Variants in NTNG1 observed in about 807,000 individuals in gnomAD.
NTNG1 encodes netrin-G1.
NTNG1 carries 16 observed loss-of-function variants against 54.0 expected under a neutral mutation model. The observed-to-expected ratio is 0.30, with a 90% CI of 0.20 to 0.45. The LOEUF (loss-of-function observed/expected upper bound fraction) is 0.45, where lower values mean the gene tolerates loss of function less well. NTNG1 is among the 20% of genes least tolerant of loss of function. NTNG1 has a pLI of 1.00. For synonymous variants in NTNG1, 255 were observed against 263.1 expected (o/e 0.97, Z 0.30); for missense variants, 530 against 678.7 (o/e 0.78, Z 2.43).
chr1:107,282,589 C>T (rs897437855), intron 2 of NTNG1, among the ~76,000 whole-genome samples: 4 of 152,062 alleles, frequency 2.6e-5, no homozygotes, highest in Non-Finnish European at 5.9e-5. Context: ...CTCAAAATTC[C>T]TTGATTCTCT....
At chr1:107,336,972 A>G (rs1209494702) in intron 3 of NTNG1, among the ~76,000 whole-genome samples, 1 of 151,912 alleles carries the variant, frequency 6.6e-6, no homozygotes, top group Non-Finnish European at 1.5e-5. Flanking sequence ...ATAAAATAAC[A>G]TGGTTGGAAA....
intron 7 of NTNG1, among the ~76,000 whole-genome samples, chr1:107,479,494 A>G (rs1367974724): frequency 2.6e-5 from 4 of 152,210 alleles, no homozygotes; most frequent in Non-Finnish European, 5.9e-5. Context: ...TTAAAAATGG[A>G]AAATGTTACA....
chr1:107,441,922 C>T (rs1015189034), intron 7 of NTNG1, among the ~76,000 whole-genome samples: 2 of 152,032 alleles, frequency 1.3e-5, no homozygotes, highest in African/African-American at 2.4e-5. Flanking sequence ...GTGCATTGTG[C>T]ATTACAGGGT....
At chr1:107,351,580 G>A (rs1481524596) in intron 3 of NTNG1, among the ~76,000 whole-genome samples, 1 of 152,116 alleles carries the variant, frequency 6.6e-6, no homozygotes, top group Non-Finnish European at 1.5e-5. Flanking sequence ...TTCCCACCAG[G>A]CCCCACCTCC....
chr1:107,297,440 T>G (rs116360318), intron 2 of NTNG1, among the ~76,000 whole-genome samples: 4,355 of 151,786 alleles, frequency 0.029, 196 homozygotes, highest in African/African-American at 0.099. Context: ...ATTCACTATA[T>G]GATTCTACTT....
chr1:107,391,066 T>C (rs1009170907), intron 3 of NTNG1, among the ~76,000 whole-genome samples: 2 of 152,142 alleles, frequency 1.3e-5, no homozygotes, highest in African/African-American at 2.4e-5. Context: ...GGAAGAATTA[T>C]CCTGATCAAA....
At chr1:107,291,822 C>A (rs1048917214) in intron 2 of NTNG1, among the ~76,000 whole-genome samples, 5 of 152,082 alleles carry the variant, frequency 3.3e-5, no homozygotes, top group African/African-American at 1.2e-4. Flanking sequence ...TTAGACATGA[C>A]CTTATTAAAA....
At chr1:107,389,334 G>C (rs955879099) in intron 3 of NTNG1, among the ~76,000 whole-genome samples, 1 of 152,032 alleles carries the variant, frequency 6.6e-6, no homozygotes, top group Non-Finnish European at 1.5e-5. Flanking sequence ...CCTCTATTTT[G>C]AACATTAGTA....
chr1:107,437,108 C>T (rs937100178), intron 7 of NTNG1, among the ~76,000 whole-genome samples: 2 of 152,110 alleles, frequency 1.3e-5, no homozygotes, highest in Non-Finnish European at 2.9e-5. Context: ...GAAATCTTCA[C>T]CGCAGAATGA....
chr1:107,418,565 T>G, intron 5 of NTNG1: 1 of 1,578,444 alleles, frequency 6.3e-7, no homozygotes, highest in Non-Finnish European at 8.6e-7. Flanking sequence ...CCCTGATTTT[T>G]CCTGATGCGT....
At chr1:107,428,973 C>G (rs1029905704) in intron 5 of NTNG1, among the ~76,000 whole-genome samples, 2 of 152,044 alleles carry the variant, frequency 1.3e-5, no homozygotes, top group Non-Finnish European at 2.9e-5. Flanking sequence ...CTGTCTCCTA[C>G]ATTGGAGTCT....
At chr1:107,234,765 T>C (rs1661297929) in intron 2 of NTNG1, among the ~76,000 whole-genome samples, 1 of 152,180 alleles carries the variant, frequency 6.6e-6, no homozygotes, top group African/African-American at 2.4e-5. Flanking sequence ...GGGAATCTTT[T>C]ATTAGATAAA....
At chr1:107,397,563 C>A (rs912028721) in intron 4 of NTNG1, among the ~76,000 whole-genome samples, 5 of 152,138 alleles carry the variant, frequency 3.3e-5, no homozygotes, top group Non-Finnish European at 5.9e-5. Context: ...CAGTTATTAC[C>A]TCCTGTGGAT....
At chr1:107,253,463 C>A (rs1373843134) in intron 2 of NTNG1, among the ~76,000 whole-genome samples, 5 of 152,220 alleles carry the variant, frequency 3.3e-5, no homozygotes, top group Non-Finnish European at 5.9e-5. Flanking sequence ...GCTTCCATGT[C>A]ACCCATTTTC....
chr1:107,298,162 A>T (rs776822471), intron 2 of NTNG1, among the ~76,000 whole-genome samples: 6 of 152,176 alleles, frequency 3.9e-5, no homozygotes, highest in African/African-American at 7.2e-5. Context: ...TGTATTTCTG[A>T]ATTCTGGGGA....
chr1:107,480,875 C>A lies in NTNG1; in HGVS notation c.*35C>A. The A allele has an allele frequency of 6.7e-7, 1 of 1,489,358 alleles. No homozygotes were observed. The allele number at this position is 1,489,358 out of a possible 1,614,324, so 92.3% of individuals were successfully genotyped here. A position where few individuals can be genotyped will look rare whatever the true frequency, so the allele number is the denominator to read the frequency against. On this transcript the variant is annotated 3_prime_UTR_variant, in exon 8 of 8. Coordinates refer to ENST00000370068, the MANE Select transcript of NTNG1 (RefSeq NM_001113226.3). ...CCAGCCACACCGGACGGGCCTGTGCCGTGGGGAAGCAGACACAACCCAAAC... is the reference window on the plus strand; with the variant it reads ...CCAGCCACACCGGACGGGCCTGTGCAGTGGGGAAGCAGACACAACCCAAAC...
intron 2 of NTNG1, among the ~76,000 whole-genome samples, chr1:107,176,429 A>G (rs1455247066): frequency 6.6e-6 from 1 of 152,196 alleles, no homozygotes; most frequent in Non-Finnish European, 1.5e-5. Flanking sequence ...AATCTTTATA[A>G]ATAACTCAGT....
chr1:107,175,126 T>C (rs988008681), intron 2 of NTNG1, among the ~76,000 whole-genome samples: 7 of 152,204 alleles, frequency 4.6e-5, no homozygotes, highest in Non-Finnish European at 1.0e-4. Flanking sequence ...CCTAGCACAG[T>C]GGCTCTTCTA....
Position 107,483,862 on chromosome 1 carries a change from A to G in NTNG1, c.*3022A>G, listed in dbSNP as rs566172454. The stretch of plus-strand genomic sequence containing the variant: ...CTAGAAAGATTTGCTATTTATAGGA[A>G]GATAATGGACATGCCCTGCTGTGAT... On this transcript the variant is annotated 3_prime_UTR_variant, in exon 8 of 8. Coordinates refer to ENST00000370068, the MANE Select transcript of NTNG1 (RefSeq NM_001113226.3). Among the ~76,000 whole-genome samples the G allele has an allele frequency of 1.9e-4, 29 of 152,332 alleles. 1 individual carries two copies. In the South Asian group the frequency reaches 3.5e-3, roughly 19 times the overall value.
Sources: gnomAD v4.1 joint callset for allele counts (sites outside exome capture counted in the v4.1 genomes callset) on GRCh38, gnomAD v4.1.1 for gene constraint, MANE v1.5 for transcripts, NCBI Gene and HGNC (gene_info 2026-07-23, HGNC 2026-07-21) for gene names.